Variants in PTPRN2 observed in about 807,000 individuals in gnomAD.
PTPRN2 encodes the protein protein tyrosine phosphatase receptor type N2, also known as receptor-type tyrosine-protein phosphatase N2.
A neutral mutation model predicts 118.8 loss-of-function variants in PTPRN2; 74 were observed. The observed-to-expected ratio is 0.62, with a 90% confidence interval of 0.52 to 0.76. The LOEUF (loss-of-function observed/expected upper bound fraction) is 0.76, where lower values mean the gene tolerates loss of function less well. Ranked by LOEUF, PTPRN2 falls within the 30% of genes least tolerant of loss-of-function variation. PTPRN2 has a pLI of 0.00. For synonymous variants in PTPRN2, 641 were observed against 608.0 expected (o/e 1.05, Z -0.80); for missense variants, 1,481 against 1,394.4 (o/e 1.06, Z -0.99).
At chr7:158,033,363 G>A (rs955134839) in intron 11 of PTPRN2, among the ~76,000 whole-genome samples, 2 of 152,224 alleles carry the variant, frequency 1.3e-5, no homozygotes, top group African/African-American at 4.8e-5. Flanking sequence ...TGTGTGATAA[G>A]GAGTTTGGCT....
At chr7:157,656,253 G>T in intron 14 of PTPRN2, 104 bp downstream of exon 14, 2 of 1,222,482 alleles carry the variant, frequency 1.6e-6, no homozygotes, top group South Asian at 1.5e-5. Flanking sequence ...AGCCATCATC[G>T]CCCAGTCCCC....
chr7:157,709,268 A>G (rs772154826), intron 12 of PTPRN2, among the ~76,000 whole-genome samples: 2 of 152,238 alleles, frequency 1.3e-5, no homozygotes, highest in Non-Finnish European at 1.5e-5. Context: ...CCTTCCATGC[A>G]CAGCTCTGGA....
chr7:157,983,857 G>A (rs1803507272), intron 11 of PTPRN2, among the ~76,000 whole-genome samples: 2 of 152,338 alleles, frequency 1.3e-5, no homozygotes, highest in East Asian at 1.9e-4. Flanking sequence ...GTCTGGCTGT[G>A]TGAGCCAACA....
intron 13 of PTPRN2, among the ~76,000 whole-genome samples, chr7:157,673,727 G>A (rs998351070): frequency 6.6e-5 from 10 of 151,238 alleles, no homozygotes; most frequent in Admixed American, 1.3e-4. Flanking sequence ...CCCCTCTGCC[G>A]TTGCCTTTTT....
At chr7:157,873,923 G>A (rs530548375) in intron 12 of PTPRN2, among the ~76,000 whole-genome samples, 2 of 152,116 alleles carry the variant, frequency 1.3e-5, no homozygotes, top group African/African-American at 2.4e-5. Context: ...AGGGCCGTCC[G>A]GGGAAAGTTG....
intron 11 of PTPRN2, among the ~76,000 whole-genome samples, chr7:158,075,520 C>T (rs1005341413): frequency 2.1e-4 from 32 of 152,266 alleles, no homozygotes; most frequent in African/African-American, 7.5e-4. Flanking sequence ...GCAGGTCCAG[C>T]AGGAGACGGG....
intron 22 of PTPRN2, among the ~76,000 whole-genome samples, chr7:157,544,151 G>A (rs541109333): frequency 2.1e-5 from 3 of 142,044 alleles, no homozygotes; most frequent in East Asian, 5.2e-4. Context: ...GGAGAGAGAC[G>A]GAGAGAGGTG....
At chr7:158,351,373 T>A (rs1297970906) in intron 2 of PTPRN2, among the ~76,000 whole-genome samples, 1 of 152,072 alleles carries the variant, frequency 6.6e-6, no homozygotes, top group Non-Finnish European at 1.5e-5. Flanking sequence ...GGTTCCTAAT[T>A]GTTGGGCACA....
intron 10 of PTPRN2, among the ~76,000 whole-genome samples, chr7:158,092,392 G>A (rs1278490293): frequency 6.6e-6 from 1 of 151,438 alleles, no homozygotes; most frequent in African/African-American, 2.4e-5. Flanking sequence ...GTGGATAAGT[G>A]GATAGATATA....
rs146714114 is a variant in PTPRN2 at position 158,195,604 on chromosome 7, G to A, written c.381-3109C>T. Among the ~76,000 whole-genome samples, 48 of 145,618 alleles carry A rather than the reference G, an allele frequency of 3.3e-4. 1 individual carries two copies. The highest frequency in any genetic ancestry group is 3.5e-3 in the Middle Eastern group (1 of 286). ...ATTTGGCCTTTAGATGTGTCCCATAGCTCACTGGTGTTTTTTATTTTTTTT... is the reference window on the plus strand; with the variant it reads ...ATTTGGCCTTTAGATGTGTCCCATAACTCACTGGTGTTTTTTATTTTTTTT... On this transcript the variant is annotated intron_variant, in intron 4 of 22. Coordinates refer to ENST00000389418, the MANE Select transcript of PTPRN2 (RefSeq NM_002847.5).
chr7:157,887,298 C>T (rs568594688), intron 12 of PTPRN2, among the ~76,000 whole-genome samples: 10 of 152,158 alleles, frequency 6.6e-5, no homozygotes, highest in South Asian at 4.1e-4. Context: ...ACAGGCTTTT[C>T]TTAGGACTGA....
chr7:157,855,576 G>A (rs765717657), intron 12 of PTPRN2, among the ~76,000 whole-genome samples: 3 of 152,124 alleles, frequency 2.0e-5, no homozygotes, highest in Non-Finnish European at 2.9e-5. Flanking sequence ...ATCTGGATGC[G>A]GCCTGCTGTG....
Position 158,247,227 on chromosome 7 carries a change from G to A in PTPRN2, c.278-41954C>T, listed in dbSNP as rs112979736. On this transcript the variant is annotated intron_variant, in intron 3 of 22. Coordinates refer to ENST00000389418, the MANE Select transcript of PTPRN2 (RefSeq NM_002847.5). ...CATGGCCAGGAGCACCGAGGCGCAC[G>A]CTGGGCTCTGAGACGCCCCCTGGCC... Among the ~76,000 whole-genome samples the A allele has an allele frequency of 2.8e-3, 424 of 152,300 alleles. 5 individuals carry two copies. The highest frequency in any genetic ancestry group is 9.0e-3 in the African/African-American group (376 of 41,570).
chr7:157,876,242 C>A (rs1350272668), intron 12 of PTPRN2, among the ~76,000 whole-genome samples: 3 of 152,210 alleles, frequency 2.0e-5, no homozygotes, highest in Non-Finnish European at 4.4e-5. Context: ...TGTGACCCAT[C>A]CCCTGCTATT....
At chr7:158,050,908 G>A (rs1343642319) in intron 11 of PTPRN2, among the ~76,000 whole-genome samples, 4 of 152,206 alleles carry the variant, frequency 2.6e-5, no homozygotes, top group East Asian at 1.9e-4. Context: ...TGCCCCTCCC[G>A]CTGGAAGTGC....
intron 11 of PTPRN2, among the ~76,000 whole-genome samples, chr7:158,055,724 T>C (rs998025179): frequency 9.8e-5 from 15 of 152,336 alleles, no homozygotes; most frequent in Non-Finnish European, 2.1e-4. Flanking sequence ...ACGTAACCCA[T>C]GTGACCTTAC....
rs1256128246 is a variant in PTPRN2, at chr7:157,764,202, C to T, written c.1789-81265G>A. On this transcript the variant is annotated intron_variant, in intron 12 of 22. Transcript: ENST00000389418. The surrounding 1 kb of genome is among the most constrained non-coding windows in gnomAD (Gnocchi z 4.5). ...CTCAAAAAACTAACCACAGAATCAG[C>T]CCAGGACCCAGCAGTTCCACCAGGG... 6.6e-6 allele frequency among the ~76,000 whole-genome samples: 1 copy of T among 152,176 alleles called. No individual in the cohort carries two copies. The highest frequency in any genetic ancestry group is 1.5e-5 in the Non-Finnish European group (1 of 68,030).
In PTPRN2 at chr7:158,273,530, G is replaced by A. The variant is rs1310468114; in HGVS notation, c.277+43289C>T. ...GCCGCAGACAGACATGGGAGGAGCC[G>A]CAGACACGGGGAGCCGCAGACACAG... On this transcript the variant is annotated intron_variant, in intron 3 of 22. Coordinates refer to ENST00000389418, the MANE Select transcript of PTPRN2 (RefSeq NM_002847.5). 1.5e-4 allele frequency among the ~76,000 whole-genome samples: 12 copies of A among 78,866 alleles called. 2 individuals are homozygous for A. The highest frequency in any genetic ancestry group is 6.1e-4 in the African/African-American group (11 of 17,962). 51.7% of individuals were successfully genotyped at this position (78,866 alleles called of 152,430 possible). A position where few individuals can be genotyped will look rare whatever the true frequency, so the allele number is the denominator to read the frequency against.
chr7:158,306,700 C>T (rs1260346352), intron 3 of PTPRN2, among the ~76,000 whole-genome samples: 21 of 152,230 alleles, frequency 1.4e-4, no homozygotes, highest in Admixed American at 1.1e-3. Context: ...TCAAAGTTGC[C>T]ACACTATGTT....
Sources: gnomAD v4.1 joint callset for allele counts (sites outside exome capture counted in the v4.1 genomes callset) on GRCh38, gnomAD v4.1.1 for gene constraint, Gnocchi (gnomAD v3.1) non-coding constraint, MANE v1.5 for transcripts, NCBI Gene and HGNC (gene_info 2026-07-23, HGNC 2026-07-21) for gene names.